The following SLC6A16 variants were observed in gnomAD, a reference collection of about 807,000 sequenced individuals.
SLC6A16 encodes orphan sodium- and chloride-dependent neurotransmitter transporter NTT5.
SLC6A16 carries 54 observed loss-of-function variants against 65.4 expected under a neutral mutation model. The ratio of observed to expected loss-of-function variants is 0.83; its 90% CI spans 0.66 to 1.04. SLC6A16 has a LOEUF of 1.04. SLC6A16 is among the 50% of genes least tolerant of loss of function. SLC6A16 has a pLI of 0.00. For synonymous variants in SLC6A16, 330 were observed against 346.5 expected (o/e 0.95, Z 0.53); for missense variants, 816 against 914.0 (o/e 0.89, Z 1.38).
chr19:49,299,435 T>A (rs1445958487), intron 7 of SLC6A16, among the ~76,000 whole-genome samples: 2 of 150,090 alleles, frequency 1.3e-5, no homozygotes, highest in African/African-American at 4.9e-5. Flanking sequence ...GTGCCTGTAG[T>A]CCCAGCTACT....
At chr19:49,291,027 T>C (rs1329061761) in intron 10 of SLC6A16, among the ~76,000 whole-genome samples, 3 of 152,158 alleles carry the variant, frequency 2.0e-5, no homozygotes, top group African/African-American at 7.2e-5. Flanking sequence ...CAAGTCTCTT[T>C]CATTCATCCC....
At chr19:49,336,791 G>A in the SLC6A16 span, 1 of 1,069,306 alleles carries the variant, frequency 9.4e-7, no homozygotes, top group East Asian at 2.4e-5. Context: ...CAGGGACAGA[G>A]TCCCAGAGAG....
At chr19:49,306,233 G>A (rs916428780) in intron 7 of SLC6A16, 2 of 151,330 alleles carry the variant, frequency 1.3e-5, no homozygotes, top group African/African-American at 4.9e-5. Flanking sequence ...AGGAGGCAGA[G>A]GTTGCAGTGA....
At position 49,311,127 on chromosome 19, in the gene SLC6A16, G is replaced by A. The variant is rs374807452; in HGVS notation, c.221C>T (p.Ala74Val). 4.5e-5 allele frequency: 73 copies of A among 1,614,022 alleles called. No individual in the cohort carries two copies. The highest frequency in any genetic ancestry group is 8.0e-5 in the African/African-American group (6 of 74,914). The change falls in exon 2 of 12, where the codon GCG (alanine) becomes GTG (valine). Residue 74 changes from alanine (A) to valine (V), a missense_variant. Transcript: ENST00000335875. ...CTGGTTCAGGGCTGAGGCAGTTAAC[G>A]CCTCCAATACAGAAATTTGCTTGGG... ...SQPKQISVLE[A>V]LTASALNQKP... is the part of the protein sequence containing the mutation.
At chr19:49,291,564 C>T (rs1369166091) in intron 10 of SLC6A16, among the ~76,000 whole-genome samples, 1 of 152,092 alleles carries the variant, frequency 6.6e-6, no homozygotes, top group East Asian at 1.9e-4. Flanking sequence ...CAAACTGACT[C>T]CAAGAACCAC....
At chr19:49,329,766 G>C (rs1197506187), upstream of SLC6A16, among the ~76,000 whole-genome samples, 1 of 151,388 alleles carries the variant, frequency 6.6e-6, no homozygotes, top group East Asian at 2.0e-4. Flanking sequence ...CCGAATAGCT[G>C]GGACTACAGG....
chr19:49,326,423 CAA>C (rs1422696820), upstream of SLC6A16, among the ~76,000 whole-genome samples: 2 of 152,064 alleles, frequency 1.3e-5, no homozygotes, highest in African/African-American at 4.8e-5. Flanking sequence ...CATGGACCCC[CAA>C]AAGTGTTTCA....
chr19:49,339,355 G>C, the SLC6A16 span: 1 of 1,613,930 alleles, frequency 6.2e-7, no homozygotes, highest in Non-Finnish European at 8.5e-7. The surrounding 1 kb of genome is among the most constrained non-coding windows in gnomAD (Gnocchi z 4.5). Context: ...CTCCAGAAGT[G>C]GCTGCACAAC....
chr19:49,334,879 T>A, the SLC6A16 span, among the ~76,000 whole-genome samples: 1 of 151,650 alleles, frequency 6.6e-6, no homozygotes, highest in Non-Finnish European at 1.5e-5. Flanking sequence ...AGACCCTGTC[T>A]CAAAAAGAAA....
At chr19:49,338,815 A>G in the SLC6A16 span, 6 of 1,613,802 alleles carry the variant, frequency 3.7e-6, no homozygotes, top group South Asian at 1.1e-5. This position sits in a 1 kb window ranked among gnomAD's most constrained non-coding sequence, Gnocchi z 5.0. Context: ...TCGGCGACCA[A>G]CGACTCCACA....
the SLC6A16 span, chr19:49,340,186 TG>T: frequency 2.0e-5 from 29 of 1,484,554 alleles, no homozygotes; most frequent in Non-Finnish European, 2.5e-5. Context: ...CTCGCCCGGG[TG>T]GGCATCACCC....
intron 3 of SLC6A16, 53 bp from the exon 4 acceptor site, chr19:49,310,219 G>T: frequency 6.2e-7 from 1 of 1,610,996 alleles, no homozygotes; most frequent in Non-Finnish European, 8.5e-7. Context: ...CAGGAAAAGG[G>T]AGGGGATTTG....
intron 7 of SLC6A16, among the ~76,000 whole-genome samples, chr19:49,301,317 C>A (rs560624726): frequency 6.6e-6 from 1 of 151,770 alleles, no homozygotes; most frequent in South Asian, 2.1e-4. Context: ...GGACACTGCC[C>A]AACCAGCTTC....
At chr19:49,297,037 G>C (rs1189107432) in intron 7 of SLC6A16, among the ~76,000 whole-genome samples, 1 of 152,048 alleles carries the variant, frequency 6.6e-6, no homozygotes, top group Non-Finnish European at 1.5e-5. Context: ...AACTGTCTGA[G>C]GATGTAAAAA....
intron 2 of SLC6A16, 36 bp downstream of exon 2, chr19:49,310,897 C>A (rs760151690): frequency 6.7e-7 from 1 of 1,490,462 alleles, no homozygotes; most frequent in East Asian, 2.3e-5. Context: ...CCTGATTGCC[C>A]CTTGTGGACC....
At chr19:49,294,286 G>T in intron 8 of SLC6A16, 81 bp downstream of exon 8, 1 of 1,356,250 alleles carries the variant, frequency 7.4e-7, no homozygotes, top group Non-Finnish European at 1.0e-6. Flanking sequence ...GATTTTTGCT[G>T]GTGCTAATAA....
intron 1 of SLC6A16, among the ~76,000 whole-genome samples, chr19:49,321,909 G>A (rs772826617): frequency 3.4e-5 from 5 of 148,886 alleles, no homozygotes; most frequent in Middle Eastern, 3.2e-3. Flanking sequence ...GTCACAAAGT[G>A]ACACCATGTC....
chr19:49,335,828 A>C, the SLC6A16 span: 1 of 1,516,358 alleles, frequency 6.6e-7, no homozygotes, highest in Non-Finnish European at 9.1e-7. The surrounding 1 kb of genome is among the most constrained non-coding windows in gnomAD (Gnocchi z 4.6). Flanking sequence ...CCCCCAACCC[A>C]AGCAACTTCC....
chr19:49,331,969 G>A, the SLC6A16 span: 15 of 449,020 alleles, frequency 3.3e-5, no homozygotes, highest in East Asian at 1.0e-3. Flanking sequence ...GGGTGGGAAG[G>A]AGGGATTGGT....
Sources: gnomAD v4.1 joint callset for allele counts (sites outside exome capture counted in the v4.1 genomes callset) on GRCh38, gnomAD v4.1.1 for gene constraint, Gnocchi (gnomAD v3.1) non-coding constraint, MANE v1.5 for transcripts, NCBI Gene and HGNC (gene_info 2026-07-23, HGNC 2026-07-21) for gene names.